Variants in RNF130 observed in about 807,000 individuals in gnomAD.
The protein encoded by RNF130 is E3 ubiquitin-protein ligase RNF130.
RNF130 carries 21 observed loss-of-function variants against 44.6 expected under a neutral mutation model. The ratio of observed to expected loss-of-function variants is 0.47; its 90% CI spans 0.33 to 0.68. RNF130 has a LOEUF of 0.68. RNF130 is among the 30% of genes least tolerant of loss of function. The pLI is 0.02. For synonymous variants in RNF130, 214 were observed against 210.4 expected (o/e 1.02, Z -0.15); for missense variants, 479 against 560.6 (o/e 0.85, Z 1.47).
intron 1 of RNF130, among the ~76,000 whole-genome samples, chr5:180,070,154 C>T (rs1765213405): frequency 1.3e-5 from 2 of 152,234 alleles, no homozygotes; most frequent in South Asian, 2.1e-4. Flanking sequence ...AGTTGCCAGT[C>T]TGGCAACACT....
intron 3 of RNF130, among the ~76,000 whole-genome samples, chr5:180,008,665 G>A (rs953696793): frequency 6.6e-6 from 1 of 151,792 alleles, no homozygotes; most frequent in Non-Finnish European, 1.5e-5. Flanking sequence ...TGCACAGATC[G>A]CTTGAGGTCA....
chr5:179,922,027 G>GA (rs1382675075), intron 7 of RNF130, among the ~76,000 whole-genome samples: 1 of 149,510 alleles, frequency 6.7e-6, no homozygotes, highest in Non-Finnish European at 1.5e-5. Flanking sequence ...TCTGAAAAAA[G>GA]AAAAAAAAGG....
chr5:180,016,342 T>TAAGGAGGGATACA (rs1554104796), intron 2 of RNF130, among the ~76,000 whole-genome samples: 4 of 151,950 alleles, frequency 2.6e-5, no homozygotes, highest in African/African-American at 9.6e-5. Flanking sequence ...TGGCCCAGTT[T>TAAGGAGGGATACA]CACGCCAAAG....
chr5:180,071,586 G>A lies in RNF130; in HGVS notation c.117C>T (p.Ile39=). 6.7e-7 allele frequency: 1 copy of A among 1,495,826 alleles called. No individual in the cohort carries two copies. The allele number at this position is 1,495,826 out of a possible 1,614,324, so 92.7% of individuals were successfully genotyped here. The change falls in exon 1 of 9, where the codon ATC becomes ATT. Residue 39 remains isoleucine (I), a synonymous_variant. Transcript: ENST00000521389. ...NASQEYYTAL[I]NVTVQEPGRG... ...GGCCGGGCTCCTGCACCGTCACGTT[G>A]ATGAGCGCCGTGTAGTACTCCTGGC...
In RNF130 at chr5:179,964,514, T is replaced by C. The variant is rs544126990; in HGVS notation, c.1151-950A>G. On this transcript the variant is annotated intron_variant, in intron 7 of 8. Transcript: ENST00000521389. ...AAATGTTATACAATAAAATTACCTATATATGTGCAAGAAGGCAGAGAGAAC... is the reference window on the plus strand; with the variant it reads ...AAATGTTATACAATAAAATTACCTACATATGTGCAAGAAGGCAGAGAGAAC... 3.3e-5 allele frequency: 5 copies of C among 152,338 alleles called. No homozygotes were observed. The South Asian group carries it at 8.3e-4, about 25-fold the overall frequency. The allele number at this position is 152,338 out of a possible 1,614,324, so 9.4% of individuals were successfully genotyped here.
intron 7 of RNF130, among the ~76,000 whole-genome samples, chr5:179,947,225 A>T (rs1762054951): frequency 6.6e-6 from 1 of 152,130 alleles, no homozygotes; most frequent in South Asian, 2.1e-4. Flanking sequence ...TAACCCCACT[A>T]TTTTATTATT....
At chr5:180,060,836 G>A (rs971137095) in intron 1 of RNF130, among the ~76,000 whole-genome samples, 18 of 152,112 alleles carry the variant, frequency 1.2e-4, no homozygotes, top group Admixed American at 8.5e-4. Context: ...TTGGGAGGCC[G>A]AGGTGGGCGG....
At chr5:179,954,609 T>A (rs180788003), downstream of RNF130, among the ~76,000 whole-genome samples, 48 of 152,334 alleles carry the variant, frequency 3.2e-4, 1 homozygote, top group Non-Finnish European at 1.5e-5. Context: ...TACGGGGTGA[T>A]GAAAATGTTC....
intron 3 of RNF130, among the ~76,000 whole-genome samples, chr5:180,009,973 C>T (rs776250704): frequency 3.3e-5 from 5 of 152,192 alleles, no homozygotes; most frequent in East Asian, 3.9e-4. Flanking sequence ...CTTGGCCGGG[C>T]GCAGTGGCTC....
intron 7 of RNF130, 83 bp from the exon 8 acceptor site, chr5:179,963,647 G>A (rs1762379078): frequency 1.0e-6 from 1 of 975,066 alleles, no homozygotes; most frequent in East Asian, 2.6e-5. Context: ...CAAATGCAAC[G>A]AAGCAGACGT....
chr5:180,058,014 A>G lies in RNF130; in HGVS notation c.247+13442T>C, dbSNP rs187934689. ...TAGTGTCAGAATTGAATTAAACTGT[A>G]GGACATCCAATTGATGTTGAAAATC... On this transcript the variant is annotated intron_variant, in intron 1 of 8. Coordinates refer to ENST00000521389, the MANE Select transcript of RNF130 (RefSeq NM_018434.6). Among the ~76,000 whole-genome samples the G allele has an allele frequency of 6.6e-5, 10 of 152,308 alleles. No individual in the cohort carries two copies. In the East Asian group the frequency reaches 1.5e-3, roughly 24 times the overall value.
At chr5:179,923,525 C>T (rs1268086304) in intron 7 of RNF130, among the ~76,000 whole-genome samples, 2 of 152,188 alleles carry the variant, frequency 1.3e-5, no homozygotes, top group African/African-American at 4.8e-5. Flanking sequence ...AGACTGTAAC[C>T]GATTCTTGTA....
At chr5:179,988,555 T>C (rs1763005711) in intron 3 of RNF130, among the ~76,000 whole-genome samples, 1 of 152,234 alleles carries the variant, frequency 6.6e-6, no homozygotes, top group South Asian at 2.1e-4. Flanking sequence ...CACTTCCCTC[T>C]TAGCACTGCT....
At chr5:180,055,264 A>AAC (rs1764783920) in intron 1 of RNF130, among the ~76,000 whole-genome samples, 2 of 27,726 alleles carry the variant, frequency 7.2e-5, no homozygotes, top group Non-Finnish European at 2.0e-4. Flanking sequence ...AAAAAAAAAA[A>AAC]AAAAAAAAAA....
intron 2 of RNF130, among the ~76,000 whole-genome samples, chr5:180,028,815 G>A (rs1447202308): frequency 6.6e-6 from 1 of 152,064 alleles, no homozygotes; most frequent in Non-Finnish European, 1.5e-5. Context: ...AAACAATTAA[G>A]TTATATGGAA....
intron 1 of RNF130, among the ~76,000 whole-genome samples, chr5:180,049,195 C>T (rs78604443): frequency 6.6e-6 from 1 of 152,098 alleles, no homozygotes; most frequent in African/African-American, 2.4e-5. Flanking sequence ...GGTTTCCAAG[C>T]GCTTTGACAC....
In RNF130 at chr5:179,978,293, G is replaced by A. The variant is rs992488518; in HGVS notation, c.766-8C>T. On this transcript the variant is annotated splice_region_variant and splice_polypyrimidine_tract_variant and intron_variant, in intron 4 of 8. Coordinates refer to ENST00000521389, the MANE Select transcript of RNF130 (RefSeq NM_018434.6). ...AAAGTCTGGGTCAGTTTCCTAAAATGAAAAGTACAGAAACAAAAAGTCACA... is the reference window on the plus strand; with the variant it reads ...AAAGTCTGGGTCAGTTTCCTAAAATAAAAAGTACAGAAACAAAAAGTCACA... The A allele has an allele frequency of 3.8e-6, 6 of 1,598,504 alleles. No homozygotes were observed. The highest frequency in any genetic ancestry group is 5.1e-6 in the Non-Finnish European group (6 of 1,165,826).
intron 1 of RNF130, among the ~76,000 whole-genome samples, chr5:180,067,261 T>C (rs1765129681): frequency 6.6e-6 from 1 of 152,124 alleles, no homozygotes; most frequent in Admixed American, 6.5e-5. Context: ...CAAATCTATG[T>C]CTTCATTCCT....
At chr5:180,062,175 C>T (rs1188334212) in intron 1 of RNF130, among the ~76,000 whole-genome samples, 1 of 151,988 alleles carries the variant, frequency 6.6e-6, no homozygotes, top group Non-Finnish European at 1.5e-5. Flanking sequence ...CTGCCTCAGC[C>T]TCCTGAGTAG....
Sources: gnomAD v4.1 joint callset for allele counts (sites outside exome capture counted in the v4.1 genomes callset) on GRCh38, gnomAD v4.1.1 for gene constraint, MANE v1.5 for transcripts, NCBI Gene and HGNC (gene_info 2026-07-23, HGNC 2026-07-21) for gene names.